The following COL21A1 variants were observed in gnomAD, a reference collection of about 807,000 sequenced individuals.
COL21A1 encodes the protein collagen type XXI alpha 1 chain, also known as collagen alpha-1(XXI) chain.
COL21A1 carries 149 observed loss-of-function variants against 137.9 expected under a neutral mutation model. The observed-to-expected ratio is 1.08, with a 90% CI of 0.95 to 1.24. The LOEUF (loss-of-function observed/expected upper bound fraction) is 1.24. COL21A1 is among the 50% of genes most tolerant of loss of function. The pLI is 0.00. For synonymous variants in COL21A1, 456 were observed against 391.5 expected, an observed-to-expected ratio of 1.16 and a Z score of -1.95; for missense variants, 1,167 against 1,158.4, an observed-to-expected ratio of 1.01 and a Z score of -0.11.
intron 1 of COL21A1, among the ~76,000 whole-genome samples, chr6:56,219,525 A>G (rs565051612): frequency 6.6e-6 from 1 of 152,170 alleles, no homozygotes; most frequent in African/African-American, 2.4e-5. Flanking sequence ...CTTGCCAACA[A>G]ACTACCATTT....
intron 1 of COL21A1, among the ~76,000 whole-genome samples, chr6:56,355,758 G>A (rs555276467): frequency 6.6e-6 from 1 of 152,302 alleles, no homozygotes; most frequent in African/African-American, 2.4e-5. Context: ...GATAAACCAT[G>A]AGTTGAGGGT....
intron 23 of COL21A1, 32 bp from the exon 24 acceptor site, chr6:56,064,654 T>C: frequency 6.8e-7 from 1 of 1,464,792 alleles, no homozygotes; most frequent in Non-Finnish European, 9.3e-7. Flanking sequence ...TATTGATTAG[T>C]TTGCACACTT....
chr6:56,297,213 A>T (rs1182578122), intron 1 of COL21A1, among the ~76,000 whole-genome samples: 1 of 152,150 alleles, frequency 6.6e-6, no homozygotes, highest in East Asian at 1.9e-4. Context: ...TGCCATGCGC[A>T]TGAGTTACTC....
At chr6:56,338,715 T>G (rs564036837) in intron 1 of COL21A1, among the ~76,000 whole-genome samples, 1 of 152,270 alleles carries the variant, frequency 6.6e-6, no homozygotes, top group East Asian at 1.9e-4. Context: ...CTAATAACTT[T>G]AAGAGATTCT....
intron 1 of COL21A1, among the ~76,000 whole-genome samples, chr6:56,317,740 T>G (rs984467741): frequency 6.6e-6 from 1 of 152,168 alleles, no homozygotes; most frequent in Non-Finnish European, 1.5e-5. Context: ...AGTACTCCTA[T>G]CCCACAGGTA....
chr6:56,190,199 G>A (rs1053736826), intron 1 of COL21A1, among the ~76,000 whole-genome samples: 7 of 152,120 alleles, frequency 4.6e-5, no homozygotes, highest in Admixed American at 2.0e-4. Context: ...CTGCTAGCAA[G>A]ACTAATAAAG....
intron 9 of COL21A1, 111 bp downstream of exon 9, chr6:56,164,312 A>G (rs563217969): frequency 1.7e-5 from 13 of 762,892 alleles, no homozygotes; most frequent in East Asian, 1.3e-4. Context: ...AAACTCTATA[A>G]GAAATCAGAT....
At chr6:56,246,865 C>G (rs902407216) in intron 1 of COL21A1, among the ~76,000 whole-genome samples, 3 of 117,944 alleles carry the variant, frequency 2.5e-5, no homozygotes, top group African/African-American at 1.2e-4. Context: ...TATGTTAATG[C>G]TCAAAGTCCC....
chr6:56,254,332 A>T (rs1782921805), intron 1 of COL21A1, among the ~76,000 whole-genome samples: 1 of 152,202 alleles, frequency 6.6e-6, no homozygotes, highest in Non-Finnish European at 1.5e-5. Context: ...GAAATCGTTT[A>T]TATACAGGCA....
In COL21A1 at chr6:56,179,785, C is replaced by T. The variant is rs779941629; in HGVS notation, c.433G>A (p.Gly145Ser). 6.2e-7 allele frequency: 1 copy of T among 1,613,826 alleles called. No individual in the cohort carries two copies. Among genetic ancestry groups the T allele is most frequent in the South Asian group, 1.1e-5 (1 of 91,068 alleles). The change falls in exon 3 of 30, where the codon GGC becomes AGC. Residue 145 changes from glycine (G) to serine (S), a missense_variant. By Grantham distance (56) the Gly-to-Ser change is moderately conservative (BLOSUM62 0). Transcript: ENST00000244728. ...LTKIAVVLTD[G>S]KSQDDVKDAA... ...TCCTTGACGTCATCTTGGGATTTGC[C>T]ATCCGTAAGTACCACTGCTATCTTA...
At chr6:56,128,091 C>T (rs62412819) in intron 12 of COL21A1, among the ~76,000 whole-genome samples, 23,132 of 152,030 alleles carry the variant, frequency 0.15, 1,797 homozygotes, top group Middle Eastern at 0.22. Flanking sequence ...GGAAAGGGGA[C>T]GGCAAACCCT....
At chr6:56,113,969 C>T (rs1771676577) in intron 16 of COL21A1, among the ~76,000 whole-genome samples, 1 of 152,206 alleles carries the variant, frequency 6.6e-6, no homozygotes, top group Non-Finnish European at 1.5e-5. Context: ...TGAGGTGAGG[C>T]TCCTCTGCCT....
chr6:56,374,614 C>A (rs926556072), intron 1 of COL21A1, among the ~76,000 whole-genome samples: 1 of 149,106 alleles, frequency 6.7e-6, no homozygotes, highest in African/African-American at 2.5e-5. Flanking sequence ...CCCAGCTACT[C>A]GGGAAGCTGA....
chr6:56,222,909 C>T (rs1439427795), intron 1 of COL21A1, among the ~76,000 whole-genome samples: 4 of 152,006 alleles, frequency 2.6e-5, no homozygotes, highest in Admixed American at 6.6e-5. Context: ...AATCTATGTC[C>T]TTGACTTTGA....
intron 1 of COL21A1, among the ~76,000 whole-genome samples, chr6:56,235,932 T>C (rs1182588120): frequency 2.0e-5 from 3 of 151,922 alleles, no homozygotes; most frequent in African/African-American, 7.2e-5. Flanking sequence ...GAATGCTCAT[T>C]AGGAATAAAG....
At chr6:56,210,847 T>C (rs1227040550) in intron 1 of COL21A1, among the ~76,000 whole-genome samples, 1 of 152,012 alleles carries the variant, frequency 6.6e-6, no homozygotes, top group African/African-American at 2.4e-5. Context: ...ATGACAAGGG[T>C]AAGGAAACTT....
intron 1 of COL21A1, among the ~76,000 whole-genome samples, chr6:56,344,532 A>T (rs1016788946): frequency 6.6e-6 from 1 of 152,218 alleles, no homozygotes; most frequent in African/African-American, 2.4e-5. Flanking sequence ...TTTACATAAC[A>T]GATTAAGATT....
intron 1 of COL21A1, among the ~76,000 whole-genome samples, chr6:56,225,082 A>C (rs1478490664): frequency 6.6e-6 from 1 of 152,062 alleles, no homozygotes; most frequent in Non-Finnish European, 1.5e-5. Context: ...AATTCTAAAA[A>C]ATGATCACTT....
intron 1 of COL21A1, among the ~76,000 whole-genome samples, chr6:56,350,674 TAGA>T (rs915262172): frequency 1.1e-4 from 17 of 152,306 alleles, no homozygotes; most frequent in African/African-American, 4.1e-4. Context: ...GATCTATTAA[TAGA>T]AGAAGAAGAT....
Sources: gnomAD v4.1 joint callset for allele counts (sites outside exome capture counted in the v4.1 genomes callset) on GRCh38, gnomAD v4.1.1 for gene constraint, MANE v1.5 for transcripts, NCBI Gene and HGNC (gene_info 2026-07-23, HGNC 2026-07-21) for gene names.